PPP1R9A: variants seen among roughly 807,000 people sequenced by gnomAD.
The protein encoded by PPP1R9A is neurabin-1.
A neutral mutation model predicts 141.9 loss-of-function variants in PPP1R9A; 59 were observed. The observed-to-expected ratio is 0.42, with a 90% CI of 0.34 to 0.52. The LOEUF (loss-of-function observed/expected upper bound fraction) is 0.52. Among genes scored for constraint, PPP1R9A ranks in the 20% least tolerant of loss-of-function variants. The probability of loss-of-function intolerance (pLI) is 0.10; values close to 1 mark genes in which losing one functional copy is unlikely to be tolerated. For missense variants in PPP1R9A, 1,444 were observed against 1,611.9 expected (o/e 0.90, Z 1.78); for synonymous variants, 500 against 569.7 (o/e 0.88, Z 1.74).
chr7:95,013,866 A>G (rs1225840341), intron 2 of PPP1R9A, among the ~76,000 whole-genome samples: 1 of 152,130 alleles, frequency 6.6e-6, no homozygotes, highest in Non-Finnish European at 1.5e-5. Flanking sequence ...TTGTTTTGAA[A>G]TAATTTCAGA....
At position 95,288,721 on chromosome 7, in the gene PPP1R9A, A is replaced by G; in HGVS notation, c.3912+3A>G. 6.2e-7 allele frequency: 1 copy of G among 1,613,278 alleles called. No individual in the cohort carries two copies. The highest frequency in any genetic ancestry group is 2.2e-5 in the East Asian group (1 of 44,862). On this transcript the variant is annotated splice_donor_region_variant and intron_variant, in intron 19 of 19. Transcript: ENST00000433360. ...AGTTGGATGGAAATAAACTTAAGGT[A>G]AAGAATTATATGTCTGTCTTAGGTT...
intron 2 of PPP1R9A, among the ~76,000 whole-genome samples, chr7:95,041,472 A>G (rs906685683): frequency 6.6e-6 from 1 of 152,088 alleles, no homozygotes; most frequent in Non-Finnish European, 1.5e-5. Context: ...GTAAGTGTAG[A>G]TTGTTTGACA....
chr7:95,105,658 G>A (rs10258312), intron 2 of PPP1R9A, among the ~76,000 whole-genome samples: 10,821 of 152,210 alleles, frequency 0.071, 499 homozygotes, highest in African/African-American at 0.13. Context: ...ACCAGGAGGA[G>A]TCATGCTCTG....
chr7:95,031,089 T>A (rs7799317), intron 2 of PPP1R9A, among the ~76,000 whole-genome samples: 55,451 of 152,014 alleles, frequency 0.36, 11,298 homozygotes, highest in Middle Eastern at 0.49. Flanking sequence ...GACTATTGAA[T>A]ATCAACCTTG....
chr7:94,911,371 G>A lies in PPP1R9A; in HGVS notation c.1258G>A (p.Glu420Lys). Residue 420 changes from glutamate (E) to lysine (K), a missense_variant, in exon 2 of 20, where the codon GAG (glutamate) becomes AAG (lysine). This residue lies in a region of PPP1R9A where 490 missense variants were observed against 521.1 expected (regional missense o/e 0.94). Transcript: ENST00000433360. The part of the protein sequence containing the change: ...YNSDWGETGT[E>K]QDEEEDSDEN... ...TTCAGACTGGGGAGAGACAGGCACT[G>A]AGCAGGATGAGGAGGAAGATAGTGA... The A allele has an allele frequency of 6.2e-7, 1 of 1,614,110 alleles. No homozygotes were observed. Among genetic ancestry groups the A allele is most frequent in the Middle Eastern group, 1.6e-4 (1 of 6,062 alleles).
intron 10 of PPP1R9A, 104 bp downstream of exon 10, chr7:95,250,359 A>T: frequency 9.9e-7 from 1 of 1,005,036 alleles, no homozygotes; most frequent in Non-Finnish European, 1.4e-6. Context: ...GACCTTAGAG[A>T]TATCTTTCCT....
chr7:95,165,463 TC>T (rs1256147322), intron 5 of PPP1R9A, among the ~76,000 whole-genome samples: 2 of 152,220 alleles, frequency 1.3e-5, no homozygotes, highest in African/African-American at 4.8e-5. Context: ...TTGAAGATCT[TC>T]CAGCCTTACT....
chr7:95,097,176 A>C (rs1818153135), intron 2 of PPP1R9A, among the ~76,000 whole-genome samples: 1 of 152,078 alleles, frequency 6.6e-6, no homozygotes. Context: ...GGCACCTGCC[A>C]CTACGCCCAG....
intron 2 of PPP1R9A, among the ~76,000 whole-genome samples, chr7:94,945,528 CTG>C (rs1795804122): frequency 6.6e-6 from 1 of 151,986 alleles, no homozygotes; most frequent in South Asian, 2.1e-4. Flanking sequence ...GACATGAAAA[CTG>C]TAGTCACTTC....
At chr7:95,215,686 T>G (rs1017496097) in intron 7 of PPP1R9A, among the ~76,000 whole-genome samples, 7 of 152,246 alleles carry the variant, frequency 4.6e-5, no homozygotes, top group Non-Finnish European at 8.8e-5. Flanking sequence ...AGATGGTATC[T>G]CATTGTGGTT....
intron 5 of PPP1R9A, among the ~76,000 whole-genome samples, chr7:95,195,762 T>TATA (rs1381206792): frequency 1.3e-5 from 2 of 152,026 alleles, no homozygotes; most frequent in Non-Finnish European, 2.9e-5. Flanking sequence ...GTCAAGAATA[T>TATA]ATAAAGGGCC....
chr7:95,286,912 TC>T, intron 18 of PPP1R9A, among the ~76,000 whole-genome samples: 1 of 152,324 alleles, frequency 6.6e-6, no homozygotes, highest in South Asian at 2.1e-4. Flanking sequence ...ATATTTTTGC[TC>T]TAAATATTTG....
chr7:94,959,894 C>T (rs1273969637), intron 2 of PPP1R9A, among the ~76,000 whole-genome samples: 1 of 151,600 alleles, frequency 6.6e-6, no homozygotes, highest in Non-Finnish European at 1.5e-5. Flanking sequence ...GCAATTTTCT[C>T]AATTATTTGA....
At chr7:94,969,397 G>C (rs1798604327) in intron 2 of PPP1R9A, among the ~76,000 whole-genome samples, 1 of 152,054 alleles carries the variant, frequency 6.6e-6, no homozygotes, top group Non-Finnish European at 1.5e-5. Context: ...CTAACAGTCA[G>C]GCCCCCCTGC....
intron 5 of PPP1R9A, among the ~76,000 whole-genome samples, chr7:95,179,823 G>C (rs1173302693): frequency 7.2e-6 from 1 of 139,482 alleles, no homozygotes; most frequent in Non-Finnish European, 1.6e-5. Context: ...TAACCAAGAA[G>C]GGGAAAGACC....
chr7:95,242,217 G>T (rs1259531052), intron 8 of PPP1R9A, among the ~76,000 whole-genome samples: 4 of 152,096 alleles, frequency 2.6e-5, no homozygotes, highest in Non-Finnish European at 4.4e-5. Flanking sequence ...AAGCTATATT[G>T]TTGTAGGTAA....
At chr7:95,245,549 C>T (rs1326585949) in intron 8 of PPP1R9A, among the ~76,000 whole-genome samples, 1 of 152,116 alleles carries the variant, frequency 6.6e-6, no homozygotes, top group African/African-American at 2.4e-5. Context: ...CCTGGTGTGT[C>T]AGGATTCCAA....
chr7:94,914,648 A>G (rs1791846950), intron 2 of PPP1R9A, among the ~76,000 whole-genome samples: 1 of 152,236 alleles, frequency 6.6e-6, no homozygotes, highest in Non-Finnish European at 1.5e-5. Context: ...AGATGGAATT[A>G]TGCCTTCATT....
intron 2 of PPP1R9A, among the ~76,000 whole-genome samples, chr7:95,008,843 C>A (rs572567673): frequency 9.0e-4 from 137 of 152,266 alleles, no homozygotes; most frequent in Non-Finnish European, 1.6e-3. Flanking sequence ...TATAAAGACA[C>A]ATGCACACGT....
Sources: allele counts gnomAD v4.1 joint callset (sites outside exome capture counted in the v4.1 genomes callset), GRCh38; gene constraint gnomAD v4.1.1; regional missense constraint gnomAD v4.1.1; transcripts MANE v1.5; gene names NCBI Gene and HGNC (gene_info 2026-07-23, HGNC 2026-07-21).